Variants in GNG12 observed in about 807,000 individuals in gnomAD.
The protein encoded by GNG12 is guanine nucleotide-binding protein G(I)/G(S)/G(O) subunit gamma-12.
For synonymous variants in GNG12, 28 were observed against 29.7 expected (o/e 0.94, Z 0.19); for missense variants, 69 against 83.8 (o/e 0.82, Z 0.69).
chr1:67,761,344 T>G (rs943697152), intron 2 of GNG12, among the ~76,000 whole-genome samples: 1 of 152,226 alleles, frequency 6.6e-6, no homozygotes, highest in Admixed American at 6.5e-5. Flanking sequence ...TGCTCTAAAA[T>G]AGTTTAAAAG....
intron 1 of GNG12, among the ~76,000 whole-genome samples, chr1:67,801,597 T>C (rs974630003): frequency 4.6e-5 from 7 of 152,152 alleles, no homozygotes; most frequent in Admixed American, 2.0e-4. Flanking sequence ...TACCCAGCGA[T>C]ACCTGGGATG....
At chr1:67,793,940 C>G (rs1646815571) in intron 1 of GNG12, among the ~76,000 whole-genome samples, 1 of 152,160 alleles carries the variant, frequency 6.6e-6, no homozygotes, top group Non-Finnish European at 1.5e-5. Context: ...AAATATTTCT[C>G]TTTTGAATTC....
intron 1 of GNG12, among the ~76,000 whole-genome samples, chr1:67,796,799 A>G (rs140298535): frequency 6.6e-6 from 1 of 152,140 alleles, no homozygotes; most frequent in African/African-American, 2.4e-5. Flanking sequence ...TAATTTAGAT[A>G]AAAAAAGAGG....
At chr1:67,786,280 A>T (rs761947499) in intron 1 of GNG12, among the ~76,000 whole-genome samples, 3 of 152,168 alleles carry the variant, frequency 2.0e-5, no homozygotes, top group African/African-American at 7.2e-5. Flanking sequence ...GTGTCTCCCC[A>T]CTGATATTTA....
intron 2 of GNG12, among the ~76,000 whole-genome samples, chr1:67,725,022 A>G (rs1027150839): frequency 6.6e-5 from 10 of 152,214 alleles, no homozygotes; most frequent in Admixed American, 6.5e-4. Context: ...TCTTTAGATC[A>G]TGATCTAACA....
At chr1:67,779,821 C>T (rs1387599119) in intron 1 of GNG12, among the ~76,000 whole-genome samples, 2 of 152,126 alleles carry the variant, frequency 1.3e-5, no homozygotes, top group African/African-American at 4.8e-5. Flanking sequence ...TTACACAAAC[C>T]TAGAGGGTAC....
intron 2 of GNG12, among the ~76,000 whole-genome samples, chr1:67,718,652 T>A (rs1388010552): frequency 6.6e-6 from 1 of 151,464 alleles, no homozygotes; most frequent in African/African-American, 2.4e-5. Flanking sequence ...GAGTCTTGGC[T>A]CTCTGCAGCT....
At chr1:67,787,916 T>C (rs1470978019) in intron 1 of GNG12, among the ~76,000 whole-genome samples, 2 of 152,224 alleles carry the variant, frequency 1.3e-5, no homozygotes, top group Non-Finnish European at 2.9e-5. Context: ...GAAAGTCTCA[T>C]GTCCCAGGAA....
At chr1:67,806,730 A>C (rs899907274) in intron 1 of GNG12, among the ~76,000 whole-genome samples, 1 of 152,224 alleles carries the variant, frequency 6.6e-6, no homozygotes, top group African/African-American at 2.4e-5. Context: ...CCAATACAAC[A>C]TAACAATATT....
intron 1 of GNG12, among the ~76,000 whole-genome samples, chr1:67,780,896 G>C (rs1016993209): frequency 2.0e-5 from 3 of 152,162 alleles, no homozygotes; most frequent in Admixed American, 6.6e-5. Context: ...CATTATCAAG[G>C]ACTGCCAGAA....
At chr1:67,804,938 G>GA (rs1320772398) in intron 1 of GNG12, among the ~76,000 whole-genome samples, 1 of 152,078 alleles carries the variant, frequency 6.6e-6, no homozygotes, top group Non-Finnish European at 1.5e-5. Context: ...GGGGGAGGGT[G>GA]AAAAAAGCAT....
chr1:67,715,657 G>A (rs1646321253), intron 2 of GNG12, among the ~76,000 whole-genome samples: 1 of 152,138 alleles, frequency 6.6e-6, no homozygotes, highest in Non-Finnish European at 1.5e-5. Context: ...GTTCTGCAGT[G>A]GTGTCTTGGA....
chr1:67,803,365 AT>A (rs1325095287), intron 1 of GNG12, among the ~76,000 whole-genome samples: 2,448 of 152,156 alleles, frequency 0.016, 71 homozygotes, highest in African/African-American at 0.055. Context: ...TAAAAAAAAA[AT>A]TTTTTTTAAG....
chr1:67,729,029 G>A (rs1314525927), intron 2 of GNG12, among the ~76,000 whole-genome samples: 1 of 152,170 alleles, frequency 6.6e-6, no homozygotes, highest in African/African-American at 2.4e-5. Context: ...TCCATCTTTT[G>A]GCACTGATAC....
In GNG12 at chr1:67,765,254, A is replaced by G. The variant is rs184207235; in HGVS notation, c.-27+12204T>C. Reference sequence around the variant, plus strand: ...CTGATGCACGAGTAACGATCTCTTAACAATGCCATGCCATCAAATACTGAA... The same window carrying G: ...CTGATGCACGAGTAACGATCTCTTAGCAATGCCATGCCATCAAATACTGAA... On this transcript the variant is annotated intron_variant, in intron 2 of 3. Transcript: ENST00000370982. 2.8e-3 allele frequency among the ~76,000 whole-genome samples: 422 copies of G among 152,316 alleles called. 7 individuals carry two copies. The highest frequency in any genetic ancestry group is 4.6e-4 in the Non-Finnish European group (31 of 68,026).
chr1:67,796,240 G>A (rs1206983929), intron 1 of GNG12, among the ~76,000 whole-genome samples: 1 of 152,160 alleles, frequency 6.6e-6, no homozygotes, highest in Non-Finnish European at 1.5e-5. Context: ...CCCAGTGTCT[G>A]AATGCTGTGT....
intron 2 of GNG12, among the ~76,000 whole-genome samples, chr1:67,773,780 G>A (rs538572250): frequency 2.0e-5 from 3 of 152,198 alleles, no homozygotes; most frequent in Admixed American, 1.3e-4. Flanking sequence ...TTCAACTCGC[G>A]TGCCCAATCT....
chr1:67,716,469 C>T (rs1646326294), intron 2 of GNG12, among the ~76,000 whole-genome samples: 1 of 152,190 alleles, frequency 6.6e-6, no homozygotes. Context: ...TGCAGCATTG[C>T]ATTTAAGTCT....
intron 2 of GNG12, among the ~76,000 whole-genome samples, chr1:67,738,840 C>T (rs1437991640): frequency 6.6e-6 from 1 of 152,184 alleles, no homozygotes; most frequent in Non-Finnish European, 1.5e-5. Context: ...GATTGTATCA[C>T]TGCATTCCAT....
Sources: gnomAD v4.1 joint callset for allele counts (sites outside exome capture counted in the v4.1 genomes callset) on GRCh38, gnomAD v4.1.1 for gene constraint, MANE v1.5 for transcripts, NCBI Gene and HGNC (gene_info 2026-07-23, HGNC 2026-07-21) for gene names.